The following WDFY1 variants were observed in gnomAD, a reference collection of about 807,000 sequenced individuals.
WDFY1 encodes WD repeat and FYVE domain-containing protein 1.
In WDFY1, 32 loss-of-function variants were observed where a neutral mutation model predicts 56.4. The ratio of observed to expected loss-of-function variants is 0.57; its 90% CI spans 0.43 to 0.76. The LOEUF (loss-of-function observed/expected upper bound fraction) is 0.76. WDFY1 is among the 30% of genes least tolerant of loss of function. The pLI, the probability that WDFY1 is intolerant of heterozygous loss-of-function variation, is 0.00. For missense variants in WDFY1, 480 were observed against 545.7 expected (o/e 0.88, Z 1.20); for synonymous variants, 192 against 197.3 (o/e 0.97, Z 0.23).
intron 1 of WDFY1, among the ~76,000 whole-genome samples, chr2:223,941,760 T>A (rs1239003784): frequency 2.0e-5 from 3 of 152,182 alleles, no homozygotes; most frequent in African/African-American, 7.2e-5. Context: ...TGTTGTGTCC[T>A]CAGGGCCTGA....
At chr2:223,906,819 C>G (rs1001083378) in intron 3 of WDFY1, among the ~76,000 whole-genome samples, 1 of 151,682 alleles carries the variant, frequency 6.6e-6, no homozygotes, top group African/African-American at 2.4e-5. Context: ...TGCACCTGGC[C>G]CCAAACTTTC....
At chr2:223,934,092 T>TCC (rs1559176157) in intron 1 of WDFY1, among the ~76,000 whole-genome samples, 2 of 139,750 alleles carry the variant, frequency 1.4e-5, no homozygotes, top group African/African-American at 5.3e-5. Flanking sequence ...TTTTTTTTTT[T>TCC]TTTTTTTTTT....
intron 8 of WDFY1, among the ~76,000 whole-genome samples, chr2:223,888,085 T>C (rs959852687): frequency 4.5e-5 from 2 of 44,326 alleles, no homozygotes; most frequent in Non-Finnish European, 1.1e-4. Flanking sequence ...ACATTAAATT[T>C]ACACTTTTTT....
chr2:223,901,243 C>T lies in WDFY1; in HGVS notation c.425G>A (p.Cys142Tyr). The stretch of plus-strand genomic sequence containing the variant: ...CCCGAGCATGTTCCCGCTCCGCGTG[C>T]ACATCCAGCTCACACACTTGTCGTG... Reference protein sequence around the residue: ...TGHDKCVSWMCTRSGNMLGRH... With the variant: ...TGHDKCVSWMYTRSGNMLGRH... Residue 142 changes from cysteine (C) to tyrosine (Y), a missense_variant, in exon 5 of 12, where the codon TGC becomes TAC. Cys to Tyr is a radical substitution (Grantham distance 194). Coordinates refer to ENST00000233055, the MANE Select transcript of WDFY1 (RefSeq NM_020830.5). 6.2e-7 allele frequency: 1 copy of T among 1,614,118 alleles called. No individual in the cohort carries two copies. Among genetic ancestry groups the T allele is most frequent in the South Asian group, 1.1e-5 (1 of 91,084 alleles).
chr2:223,897,380 A>C (rs1440786026), intron 6 of WDFY1, among the ~76,000 whole-genome samples: 1 of 84,842 alleles, frequency 1.2e-5, no homozygotes, highest in Non-Finnish European at 2.1e-5. Context: ...ATATATATAT[A>C]TATATATATA....
chr2:223,887,530 T>A (rs1053039796), intron 8 of WDFY1, among the ~76,000 whole-genome samples: 5 of 152,328 alleles, frequency 3.3e-5, no homozygotes, highest in African/African-American at 1.2e-4. Flanking sequence ...CACAAAAACA[T>A]TAAGTGTAAA....
intron 1 of WDFY1, among the ~76,000 whole-genome samples, chr2:223,938,590 T>G (rs1473599992): frequency 6.6e-6 from 1 of 152,186 alleles, no homozygotes; most frequent in African/African-American, 2.4e-5. Context: ...CATTTTCTAT[T>G]AACCATTCAC....
At position 223,885,591 on chromosome 2, in the gene WDFY1, T is replaced by C. The variant is rs115278329; in HGVS notation, c.832-842A>G. Among the ~76,000 whole-genome samples, 479 of 152,292 alleles carry C rather than the reference T, an allele frequency of 3.1e-3. 3 individuals carry two copies. The highest frequency in any genetic ancestry group is 0.011 in the African/African-American group (442 of 41,562). On this transcript the variant is annotated intron_variant, in intron 8 of 11. Coordinates refer to ENST00000233055, the MANE Select transcript of WDFY1 (RefSeq NM_020830.5). ...ATAGGAGGGAGTAAATCAGTTTTTA[T>C]TGTGAACCCTTAAGGGTTGTCTTTA...
At chr2:223,885,294 G>A (rs1693154355) in intron 8 of WDFY1, among the ~76,000 whole-genome samples, 1 of 152,054 alleles carries the variant, frequency 6.6e-6, no homozygotes, top group Non-Finnish European at 1.5e-5. Flanking sequence ...AGGCTCAAAT[G>A]ATCCTCCTGC....
intron 3 of WDFY1, among the ~76,000 whole-genome samples, chr2:223,906,412 G>T (rs1322442046): frequency 3.9e-5 from 6 of 152,028 alleles, no homozygotes; most frequent in African/African-American, 1.2e-4. Flanking sequence ...CAGGGCACTG[G>T]GTAGCTCAGC....
chr2:223,883,336 C>T (rs1452650574), intron 9 of WDFY1, among the ~76,000 whole-genome samples: 2 of 152,204 alleles, frequency 1.3e-5, no homozygotes, highest in African/African-American at 4.8e-5. Flanking sequence ...CTGATTTTGA[C>T]ATATTCTTTT....
intron 1 of WDFY1, among the ~76,000 whole-genome samples, chr2:223,938,826 CA>C (rs1022899382): frequency 1.2e-4 from 16 of 137,020 alleles, no homozygotes; most frequent in South Asian, 2.3e-4. Flanking sequence ...CAGAAGGTGA[CA>C]AAAAAAAAGA....
At chr2:223,891,018 G>A (rs949394291) in intron 8 of WDFY1, among the ~76,000 whole-genome samples, 9 of 152,082 alleles carry the variant, frequency 5.9e-5, no homozygotes, top group Admixed American at 3.3e-4. Context: ...GAAATTCCAG[G>A]CAAGCATTGC....
In WDFY1 at chr2:223,942,527, C is replaced by CTTTTTTTTTTTTTTTTTTTTTT. The variant is rs57223015; in HGVS notation, c.137+2620_137+2621insAAAAAAAAAAAAAAAAAAAAAA. ...GCCACTGCGCCTGGCCAAAGGCTAA[C>CTTTTTTTTTTTTTTTTTTTTTT]TTTTTTTTTTTTTTTTTTTGAGACG... On this transcript the variant is annotated intron_variant, in intron 1 of 11. Coordinates refer to ENST00000233055, the MANE Select transcript of WDFY1 (RefSeq NM_020830.5). 8.1e-5 allele frequency among the ~76,000 whole-genome samples: 6 copies of CTTTTTTTTTTTTTTTTTTTTTT among 74,218 alleles called. 1 individual carries two copies. Among genetic ancestry groups the CTTTTTTTTTTTTTTTTTTTTTT allele is most frequent in the African/African-American group, 3.7e-4 (6 of 16,156 alleles). 48.7% of individuals were successfully genotyped at this position (74,218 alleles called of 152,430 possible). A position where few individuals can be genotyped will look rare whatever the true frequency, so the allele number is the denominator to read the frequency against.
At chr2:223,905,090 A>C (rs895016118) in intron 4 of WDFY1, among the ~76,000 whole-genome samples, 1 of 152,208 alleles carries the variant, frequency 6.6e-6, no homozygotes, top group South Asian at 2.1e-4. Context: ...ATAAAGCTTA[A>C]ATCATTTTCA....
At chr2:223,891,049 C>T (rs1693266182) in intron 8 of WDFY1, among the ~76,000 whole-genome samples, 1 of 151,990 alleles carries the variant, frequency 6.6e-6, no homozygotes, top group Non-Finnish European at 1.5e-5. Flanking sequence ...GATCTGGGAT[C>T]AATCCTCTAT....
rs1333847481 is a variant in WDFY1 at position 223,878,584 on chromosome 2, C to T, written c.*87G>A. On this transcript the variant is annotated 3_prime_UTR_variant, in exon 12 of 12. Coordinates refer to ENST00000233055, the MANE Select transcript of WDFY1 (RefSeq NM_020830.5). ...TGTTTGTAAGTGGCTACTGTCCATT[C>T]ACGAGACAGCGCTGTGGAGCTGCGT... is the stretch of plus-strand genomic sequence containing the variant. The T allele has an allele frequency of 3.0e-6, 3 of 997,356 alleles. No individual in the cohort carries two copies. The Admixed American group carries it at 6.7e-5, about 22-fold the overall frequency. 61.8% of individuals were successfully genotyped at this position (997,356 alleles called of 1,614,324 possible).
chr2:223,942,803 G>T (rs1257418847), intron 1 of WDFY1, among the ~76,000 whole-genome samples: 1 of 144,444 alleles, frequency 6.9e-6, no homozygotes, highest in African/African-American at 2.6e-5. Context: ...CCAAAGTGCT[G>T]GGATTACAGG....
chr2:223,932,592 A>G (rs1694097993), intron 1 of WDFY1, among the ~76,000 whole-genome samples: 1 of 152,174 alleles, frequency 6.6e-6, no homozygotes, highest in Admixed American at 6.5e-5. Context: ...AAAAACAGCT[A>G]AATTAAAGCA....
Sources: gnomAD v4.1 joint callset for allele counts (sites outside exome capture counted in the v4.1 genomes callset) on GRCh38, gnomAD v4.1.1 for gene constraint, MANE v1.5 for transcripts, NCBI Gene and HGNC (gene_info 2026-07-23, HGNC 2026-07-21) for gene names.